SPTBN4: variants seen among roughly 807,000 people sequenced by gnomAD.
The protein encoded by SPTBN4 is spectrin beta chain, non-erythrocytic 4.
SPTBN4 carries 96 observed loss-of-function variants against 277.8 expected under a neutral mutation model. That is an observed-to-expected ratio of 0.35 (90% CI 0.29 to 0.41). The LOEUF (loss-of-function observed/expected upper bound fraction) is 0.41, where lower values mean the gene tolerates loss of function less well. SPTBN4 is among the 10% of genes least tolerant of loss of function. The probability of loss-of-function intolerance (pLI) is 1.00; values close to 1 mark genes in which losing one functional copy is unlikely to be tolerated. For missense variants in SPTBN4, 3,006 were observed against 3,595.7 expected (o/e 0.84, Z 4.19); for synonymous variants, 1,481 against 1,580.3 (o/e 0.94, Z 1.49).
chr19:40,513,661 AATCCCT>A, intron 14 of SPTBN4, 107 bp downstream of exon 14: 15 of 1,196,138 alleles, frequency 1.3e-5, no homozygotes, highest in Non-Finnish European at 1.7e-5. Context: ...TAGGAGTTCC[AATCCCT>A]GCTTCACCCA....
chr19:40,517,164 C>T (rs1034567077), intron 15 of SPTBN4, among the ~76,000 whole-genome samples: 7 of 152,074 alleles, frequency 4.6e-5, no homozygotes, highest in Non-Finnish European at 7.4e-5. Context: ...GGAAACTACC[C>T]CACATTAGAG....
rs2081144771 is a variant in SPTBN4, at chr19:40,570,555, G to C, written c.7146G>C (p.Arg2382=). The part of the protein sequence containing the change: ...PRARDRPKPR[R]RPRPREGGEG... ...CGCGGGACCGGCCCAAGCCGCGACG[G>C]CGGCCGCGGCCCAGAGAGGGTGGTG... Residue 2382 remains arginine (R), a synonymous_variant, in exon 33 of 36, where the codon CGG becomes CGC. Transcript: ENST00000598249. 7.4e-7 allele frequency: 1 copy of C among 1,355,016 alleles called. No individual in the cohort carries two copies. Among genetic ancestry groups the C allele is most frequent in the Non-Finnish European group, 9.5e-7 (1 of 1,057,436 alleles). The allele number at this position is 1,355,016 out of a possible 1,614,324, so 83.9% of individuals were successfully genotyped here.
intron 20 of SPTBN4, among the ~76,000 whole-genome samples, chr19:40,537,569 T>C (rs539633005): frequency 1.3e-5 from 2 of 152,144 alleles, no homozygotes; most frequent in Non-Finnish European, 2.9e-5. Flanking sequence ...ATGTACACAA[T>C]GTGCTGGGCA....
At chr19:40,556,768 A>G (rs985714928) in intron 25 of SPTBN4, among the ~76,000 whole-genome samples, 2 of 152,052 alleles carry the variant, frequency 1.3e-5, no homozygotes, top group African/African-American at 4.8e-5. Flanking sequence ...TCTACTAAAA[A>G]CACAAAAAAA....
intron 13 of SPTBN4, among the ~76,000 whole-genome samples, chr19:40,508,201 G>C (rs62107050): frequency 0.18 from 27,062 of 152,150 alleles, 2,710 homozygotes; most frequent in Middle Eastern, 0.23. Flanking sequence ...AGAGAGGGAC[G>C]GCCTTACCAG....
chr19:40,539,599 C>A (rs888074757), intron 20 of SPTBN4, among the ~76,000 whole-genome samples: 2 of 151,952 alleles, frequency 1.3e-5, no homozygotes, highest in African/African-American at 2.4e-5. Context: ...GCCTCAGCGT[C>A]CTCCTGAGTA....
rs563453994 is a variant in SPTBN4 at position 40,565,804 on chromosome 19, C to T, written c.6139+59C>T. 2.0e-6 allele frequency: 3 copies of T among 1,520,872 alleles called. No individual in the cohort carries two copies. In the African/African-American group the frequency reaches 4.1e-5, roughly 21 times the overall value. 94.2% of individuals were successfully genotyped at this position (1,520,872 alleles called of 1,614,324 possible). ...GCACAGGGACATGCTCCAGCCTGTC[C>T]AGCCAAGGCCCAGAGGGTGACAGGA... is the stretch of plus-strand genomic sequence containing the variant. On this transcript the variant is annotated intron_variant, in intron 29 of 35. Coordinates refer to ENST00000598249, the MANE Select transcript of SPTBN4 (RefSeq NM_020971.3).
intron 20 of SPTBN4, among the ~76,000 whole-genome samples, chr19:40,535,780 C>A (rs1599777519): frequency 2.0e-5 from 3 of 151,716 alleles, no homozygotes; most frequent in African/African-American, 4.8e-5. Flanking sequence ...AAAACACACA[C>A]AAAAAAATTA....
chr19:40,572,428 T>C (rs1223122391), intron 35 of SPTBN4, 48 bp downstream of exon 35: 1 of 1,607,376 alleles, frequency 6.2e-7, no homozygotes, highest in Non-Finnish European at 8.5e-7. Context: ...AGTAATGACC[T>C]GGCTGTCTGG....
At position 40,513,098 on chromosome 19, in the gene SPTBN4, A is replaced by G; in HGVS notation, c.2309A>G (p.Gln770Arg). ...GCGGCGCGGCGAGAGCGGCGGCTGC[A>G]GGAGGCGCGGGCGCTGCACCAGTTC... ...EAAARRERRL[Q>R]EARALHQFGA... The change falls in exon 14 of 36, where the codon CAG (glutamine) becomes CGG (arginine). Residue 770 changes from glutamine to arginine, a missense_variant. Gln to Arg is a conservative substitution (Grantham distance 43, BLOSUM62 1). This residue lies in a region of SPTBN4 where 1,759 missense variants were observed against 2,061.5 expected (regional missense o/e 0.85). Coordinates refer to ENST00000598249, the MANE Select transcript of SPTBN4 (RefSeq NM_020971.3). The G allele has an allele frequency of 7.0e-7, 1 of 1,427,936 alleles. No individual in the cohort carries two copies. Among genetic ancestry groups the G allele is most frequent in the Non-Finnish European group, 9.1e-7 (1 of 1,097,620 alleles). The allele number at this position is 1,427,936 out of a possible 1,614,324, so 88.5% of individuals were successfully genotyped here.
At position 40,534,209 on chromosome 19, in the gene SPTBN4, G is replaced by A; in HGVS notation, c.4225G>A (p.Ala1409Thr). The change falls in exon 20 of 36, where the codon GCC (alanine) becomes ACC (threonine). Residue 1409 changes from alanine (A) to threonine (T), a missense_variant. By Grantham distance (58) the Ala-to-Thr change is moderately conservative. Around this residue, in one of 5 missense-constraint regions of SPTBN4, gnomAD observed 1,759 missense variants for 2,061.5 expected, o/e 0.85. Coordinates refer to ENST00000598249, the MANE Select transcript of SPTBN4 (RefSeq NM_020971.3). Reference sequence around the variant, plus strand: ...GGCCAAGGCACGGCAGCTCTTTGAGGCCAGCAAAGCAGACCAGCTGGTGCA... The same window carrying A: ...GGCCAAGGCACGGCAGCTCTTTGAGACCAGCAAAGCAGACCAGCTGGTGCA... ...TQAKARQLFE[A>T]SKADQLVQSF... is the part of the protein sequence containing the mutation. The A allele has an allele frequency of 6.2e-7, 1 of 1,613,950 alleles. No individual in the cohort carries two copies. Among genetic ancestry groups the A allele is most frequent in the Middle Eastern group, 1.7e-4 (1 of 6,056 alleles).
chr19:40,516,401 C>G (rs973751650), intron 15 of SPTBN4, among the ~76,000 whole-genome samples: 1 of 152,070 alleles, frequency 6.6e-6, no homozygotes, highest in Non-Finnish European at 1.5e-5. Flanking sequence ...CACCTAGGCT[C>G]AAGCGATCCT....
At position 40,570,318 on chromosome 19, in the gene SPTBN4, G is replaced by A. The variant is rs1599825153; in HGVS notation, c.7027-118G>A. Reference sequence around the variant, plus strand: ...CCAACCCTGAGGTCCTCCCATACTCGCCTCCGAGACAAATGGCCCTGTAGA... The same window carrying A: ...CCAACCCTGAGGTCCTCCCATACTCACCTCCGAGACAAATGGCCCTGTAGA... On this transcript the variant is annotated intron_variant, in intron 32 of 35. Transcript: ENST00000598249. 31 of 557,170 alleles carry A rather than the reference G, an allele frequency of 5.6e-5. No individual in the cohort carries two copies. The East Asian group carries it at 1.0e-3, about 19-fold the overall frequency. 34.5% of individuals were successfully genotyped at this position (557,170 alleles called of 1,614,324 possible). A position where few individuals can be genotyped will look rare whatever the true frequency, so the allele number is the denominator to read the frequency against.
chr19:40,566,079 G>T (rs376460341), intron 29 of SPTBN4, 84 bp from the exon 30 acceptor site: 1 of 1,371,616 alleles, frequency 7.3e-7, no homozygotes, highest in East Asian at 2.5e-5. Context: ...AGCCGGAGGG[G>T]TGTGGAAGGC....
chr19:40,506,677 A>G (rs1262506393), intron 13 of SPTBN4, among the ~76,000 whole-genome samples: 1 of 152,118 alleles, frequency 6.6e-6, no homozygotes, highest in Non-Finnish European at 1.5e-5. Context: ...AACGAATACC[A>G]TTTAAAAAGA....
chr19:40,467,630 G>T (rs941330916), intron 1 of SPTBN4, among the ~76,000 whole-genome samples: 12 of 151,930 alleles, frequency 7.9e-5, no homozygotes, highest in African/African-American at 1.2e-4. Flanking sequence ...TTGCGGGGGG[G>T]GGGGGGTGTT....
At chr19:40,573,887 G>A (rs946694806) in intron 35 of SPTBN4, among the ~76,000 whole-genome samples, 3 of 152,220 alleles carry the variant, frequency 2.0e-5, no homozygotes, top group South Asian at 4.1e-4. Flanking sequence ...AGATCACAAG[G>A]TCAGGAGATC....
intron 13 of SPTBN4, among the ~76,000 whole-genome samples, chr19:40,507,933 A>T (rs188878270): frequency 3.3e-4 from 50 of 152,316 alleles, no homozygotes; most frequent in African/African-American, 1.2e-3. Context: ...TGTGGTATAA[A>T]TCTGGGATCA....
chr19:40,569,597 A>G, intron 31 of SPTBN4, 60 bp from the exon 32 acceptor site: 1 of 1,574,868 alleles, frequency 6.3e-7, no homozygotes, highest in East Asian at 2.3e-5. Flanking sequence ...GCCCAGCCAG[A>G]CAGGTCCATG....
Sources: allele counts gnomAD v4.1 joint callset (sites outside exome capture counted in the v4.1 genomes callset), GRCh38; gene constraint gnomAD v4.1.1; regional missense constraint gnomAD v4.1.1; transcripts MANE v1.5; gene names NCBI Gene and HGNC (gene_info 2026-07-23, HGNC 2026-07-21).